Variants in ERBB4 observed in about 807,000 individuals in gnomAD.
The protein encoded by ERBB4 is erb-b2 receptor tyrosine kinase 4, also known as receptor tyrosine-protein kinase erbB-4.
In ERBB4, 42 loss-of-function variants were observed where a neutral mutation model predicts 158.0. The ratio of observed to expected loss-of-function variants is 0.27; its 90% CI spans 0.21 to 0.34. The LOEUF is 0.34. Ranked by LOEUF, ERBB4 falls within the 10% of genes least tolerant of loss-of-function variation. ERBB4 has a pLI of 1.00. For synonymous variants in ERBB4, 583 were observed against 558.7 expected (o/e 1.04, Z -0.61); for missense variants, 1,333 against 1,624.1 (o/e 0.82, Z 3.08).
chr2:211,566,228 A>T (rs1422218609), intron 19 of ERBB4, among the ~76,000 whole-genome samples: 2 of 152,104 alleles, frequency 1.3e-5, no homozygotes, highest in African/African-American at 4.8e-5. Context: ...GCATCCTTAC[A>T]TGGTATCAGT....
chr2:211,827,005 G>C (rs1367875669), intron 3 of ERBB4, among the ~76,000 whole-genome samples: 2 of 151,888 alleles, frequency 1.3e-5, no homozygotes, highest in Non-Finnish European at 2.9e-5. Flanking sequence ...TTTGTGTTGG[G>C]ATAAACACAC....
In ERBB4 at chr2:211,882,456, G is replaced by C. The variant is rs140907809; in HGVS notation, c.421+64974C>G. On this transcript the variant is annotated intron_variant, in intron 3 of 27. Coordinates refer to ENST00000342788, the MANE Select transcript of ERBB4 (RefSeq NM_005235.3). ...CCTCATATATAGAGATAGCTCAATA[G>C]ATAAATATAATAAATATAAATATGA... is the stretch of plus-strand genomic sequence containing the variant. 1.5e-3 allele frequency among the ~76,000 whole-genome samples: 224 copies of C among 152,026 alleles called. 1 individual carries two copies. Among genetic ancestry groups the C allele is most frequent in the African/African-American group, 5.2e-3 (214 of 41,488 alleles).
At chr2:212,416,900 G>T (rs886118875) in intron 1 of ERBB4, among the ~76,000 whole-genome samples, 1 of 151,950 alleles carries the variant, frequency 6.6e-6, no homozygotes, top group East Asian at 1.9e-4. Flanking sequence ...ACTTTATTTG[G>T]TAAATAAGGA....
At chr2:211,408,242 T>TGATGA (rs2063185093) in intron 25 of ERBB4, among the ~76,000 whole-genome samples, 1 of 152,216 alleles carries the variant, frequency 6.6e-6, no homozygotes, top group Non-Finnish European at 1.5e-5. Flanking sequence ...ATAGGCTTCT[T>TGATGA]GATGAGATTT....
At chr2:212,534,773 C>T (rs932030995) in intron 1 of ERBB4, among the ~76,000 whole-genome samples, 1 of 151,852 alleles carries the variant, frequency 6.6e-6, no homozygotes, top group Admixed American at 6.6e-5. Context: ...ATTTAAAAAC[C>T]AAAGGGATGA....
At chr2:212,499,792 TA>T (rs1282350086) in intron 1 of ERBB4, among the ~76,000 whole-genome samples, 1 of 152,096 alleles carries the variant, frequency 6.6e-6, no homozygotes, top group Non-Finnish European at 1.5e-5. Context: ...CTGTTGAAGT[TA>T]AAAGTGATGG....
chr2:212,052,063 A>C (rs573760435), intron 2 of ERBB4, among the ~76,000 whole-genome samples: 6 of 152,324 alleles, frequency 3.9e-5, no homozygotes, highest in African/African-American at 1.4e-4. Context: ...CATTTGAGTC[A>C]GTGGAATGGG....
intron 20 of ERBB4, among the ~76,000 whole-genome samples, chr2:211,548,641 G>T (rs1215151954): frequency 6.6e-6 from 1 of 152,098 alleles, no homozygotes; most frequent in East Asian, 1.9e-4. Flanking sequence ...ATGGATCCAG[G>T]TCTTGGCTCT....
chr2:212,520,182 T>A (rs1351313912), intron 1 of ERBB4, among the ~76,000 whole-genome samples: 3 of 151,948 alleles, frequency 2.0e-5, no homozygotes, highest in African/African-American at 7.2e-5. Flanking sequence ...TTAAACAGAA[T>A]GTCATAATAA....
intron 14 of ERBB4, among the ~76,000 whole-genome samples, chr2:211,668,614 A>G (rs1464793488): frequency 6.6e-6 from 1 of 151,940 alleles, no homozygotes; most frequent in Non-Finnish European, 1.5e-5. Context: ...GTCGTCATTG[A>G]TGTTTTTCTC....
chr2:212,194,317 C>CAT (rs2105886589), intron 1 of ERBB4, among the ~76,000 whole-genome samples: 1 of 151,558 alleles, frequency 6.6e-6, no homozygotes, highest in Non-Finnish European at 1.5e-5. Flanking sequence ...CACACACACA[C>CAT]ACTTTGTTTC....
chr2:211,479,894 AC>A (rs2065041506), intron 20 of ERBB4, among the ~76,000 whole-genome samples: 1 of 152,132 alleles, frequency 6.6e-6, no homozygotes, highest in Non-Finnish European at 1.5e-5. Context: ...TATAATTAAC[AC>A]TTTTTTTCCC....
chr2:211,698,277 A>C lies in ERBB4; in HGVS notation c.1489+3690T>G, dbSNP rs144996623. ...TCGTGGGCCAAGATCGTGCCATTGC[A>C]CTCCAGCCTGGGAAACAAGAGTGAG... On this transcript the variant is annotated intron_variant, in intron 12 of 27. Transcript: ENST00000342788. Among the ~76,000 whole-genome samples the C allele has an allele frequency of 6.9e-3, 1,014 of 147,426 alleles. 14 individuals are homozygous for C. Among genetic ancestry groups the C allele is most frequent in the African/African-American group, 0.025 (980 of 39,590 alleles).
intron 1 of ERBB4, among the ~76,000 whole-genome samples, chr2:212,493,503 T>C (rs147330753): frequency 1.3e-3 from 197 of 151,754 alleles, no homozygotes; most frequent in African/African-American, 3.8e-3. Flanking sequence ...AATATAACAA[T>C]TATTCCACAT....
At chr2:211,901,408 T>G (rs1459731395) in intron 3 of ERBB4, among the ~76,000 whole-genome samples, 11 of 152,172 alleles carry the variant, frequency 7.2e-5, no homozygotes, top group Non-Finnish European at 1.6e-4. Flanking sequence ...ACACTGTGTG[T>G]GGGCGCTGAT....
At chr2:211,797,349 G>T (rs2105880336) in intron 3 of ERBB4, among the ~76,000 whole-genome samples, 1 of 151,920 alleles carries the variant, frequency 6.6e-6, no homozygotes, top group African/African-American at 2.4e-5. Flanking sequence ...ATACTGCAAG[G>T]TCACTTTCAA....
At chr2:211,483,731 T>C (rs992277209) in intron 20 of ERBB4, among the ~76,000 whole-genome samples, 1 of 152,146 alleles carries the variant, frequency 6.6e-6, no homozygotes, top group Non-Finnish European at 1.5e-5. Flanking sequence ...TTTGTATTTT[T>C]AGTAGAGACT....
chr2:211,937,890 T>A (rs960416180), intron 3 of ERBB4, among the ~76,000 whole-genome samples: 11 of 152,118 alleles, frequency 7.2e-5, no homozygotes, highest in Admixed American at 5.2e-4. Flanking sequence ...CAACAGATAC[T>A]TATACTGTGG....
intron 1 of ERBB4, among the ~76,000 whole-genome samples, chr2:212,229,836 C>T (rs1026857142): frequency 6.6e-6 from 1 of 152,158 alleles, no homozygotes; most frequent in Non-Finnish European, 1.5e-5. Context: ...AAACGAGTCC[C>T]ATTTTCCTGA....
Sources: gnomAD v4.1 joint callset for allele counts (sites outside exome capture counted in the v4.1 genomes callset) on GRCh38, gnomAD v4.1.1 for gene constraint, MANE v1.5 for transcripts, NCBI Gene and HGNC (gene_info 2026-07-23, HGNC 2026-07-21) for gene names.